HAUS7: variants seen among roughly 807,000 people sequenced by gnomAD.
HAUS7 encodes the protein HAUS augmin-like complex subunit 7.
A neutral mutation model predicts 28.4 loss-of-function variants in HAUS7; 3 were observed. That is an observed-to-expected ratio of 0.11 (90% CI 0.05 to 0.27). The LOEUF is 0.27. Among genes scored for constraint, HAUS7 ranks in the 10% least tolerant of loss-of-function variants. The pLI, the probability that HAUS7 is intolerant of heterozygous loss-of-function variation, is 1.00. For synonymous variants in HAUS7, 165 were observed against 132.1 expected (o/e 1.25, Z -1.71); for missense variants, 284 against 297.3 (o/e 0.96, Z 0.33).
At chrX:153,456,180 C>G in intron 7 of HAUS7, 85 bp downstream of exon 7, 1 of 737,025 alleles carries the variant, frequency 1.4e-6, no homozygotes. Context: ...CACAGGCAAC[C>G]TCGCCTAAGC....
chrX:153,489,108 G>T (rs1251798400), intron 1 of HAUS7, among the ~76,000 whole-genome samples: 3 of 112,784 alleles, frequency 2.7e-5, no homozygotes, highest in African/African-American at 9.7e-5. Context: ...CCGAGATGGG[G>T]CAAAGGGACT....
At chrX:153,458,538 A>G in intron 4 of HAUS7, among the ~76,000 whole-genome samples, 1 of 112,671 alleles carries the variant, frequency 8.9e-6, no homozygotes. Context: ...GGCCATTAAG[A>G]ATAACACTTC....
At chrX:153,470,753 G>GACCAC (rs1227263766), upstream of HAUS7, 34 of 556,777 alleles carry the variant, frequency 6.1e-5, 1 homozygote, top group Admixed American at 1.1e-3. Flanking sequence ...CCAGAGGCAG[G>GACCAC]ACCACAGTGA....
At chrX:153,473,000 T>C (rs1374640945), upstream of HAUS7, among the ~76,000 whole-genome samples, 2 of 111,603 alleles carry the variant, frequency 1.8e-5, no homozygotes, top group African/African-American at 6.5e-5. Context: ...AAAATGAGAC[T>C]GGTTCACGGC....
chrX:153,463,187 G>A (rs1409524000), intron 3 of HAUS7: 4 of 315,633 alleles, frequency 1.3e-5, no homozygotes, highest in East Asian at 2.0e-4. Flanking sequence ...ATCTGCCAGG[G>A]TGCCCAGGGC....
intron 1 of HAUS7, among the ~76,000 whole-genome samples, chrX:153,480,003 G>A (rs1036028629): frequency 1.8e-5 from 2 of 112,183 alleles, no homozygotes; most frequent in Admixed American, 1.9e-4. Context: ...ACCCCCTGTA[G>A]CAGACACTGG....
At chrX:153,449,717 T>A (rs183060518) in intron 9 of HAUS7, among the ~76,000 whole-genome samples, 2 of 112,243 alleles carry the variant, frequency 1.8e-5, no homozygotes, top group African/African-American at 6.5e-5. Flanking sequence ...CCATCTACCC[T>A]GTGCTCGGCG....
At chrX:153,456,970 T>C in intron 5 of HAUS7, 167 bp downstream of exon 5, 1 of 458,149 alleles carries the variant, frequency 2.2e-6, no homozygotes, top group Non-Finnish European at 3.8e-6. Context: ...CAGCTGCCCC[T>C]TGCCCGTATG....
chrX:153,451,073 G>A (rs987549285), intron 9 of HAUS7, among the ~76,000 whole-genome samples: 8 of 112,303 alleles, frequency 7.1e-5, no homozygotes, highest in Non-Finnish European at 1.1e-4. Flanking sequence ...CTCCCCTGGC[G>A]TCTCTCCAGA....
In HAUS7 at chrX:153,492,619, G is replaced by A. The variant is rs973651957; in HGVS notation, c.-589+2755C>T. On this transcript the variant is annotated intron_variant, in intron 1 of 5. Transcript: ENST00000370210. Reference sequence around the variant, plus strand: ...ATGTGTCTCCCCCAAGCAGGGTGTCGCCTCATCGCCACTTCCAAGCCCCCA... The same window carrying A: ...ATGTGTCTCCCCCAAGCAGGGTGTCACCTCATCGCCACTTCCAAGCCCCCA... Among the ~76,000 whole-genome samples the A allele has an allele frequency of 1.2e-4, 13 of 111,331 alleles. No homozygotes were observed. In the Admixed American group the frequency reaches 1.2e-3, roughly 11 times the overall value.
At chrX:153,485,461 A>G (rs1602959194) in intron 1 of HAUS7, among the ~76,000 whole-genome samples, 1 of 111,935 alleles carries the variant, frequency 8.9e-6, no homozygotes, top group Non-Finnish European at 1.9e-5. Flanking sequence ...AGTGAGTGGG[A>G]GGACAGTTCC....
At chrX:153,448,768 C>T (rs1217957816) in intron 9 of HAUS7, among the ~76,000 whole-genome samples, 2 of 111,277 alleles carry the variant, frequency 1.8e-5, no homozygotes, top group Admixed American at 1.9e-4. Flanking sequence ...GGGGACCAGG[C>T]CAGCAGCTTG....
intron 1 of HAUS7, chrX:153,481,975 G>GA: frequency 1.5e-6 from 1 of 649,043 alleles, no homozygotes; most frequent in Non-Finnish European, 1.8e-6. Context: ...CTGGGGCTGG[G>GA]GCTGGCAGGT....
At chrX:153,460,342 C>T (rs995354573) in intron 4 of HAUS7, among the ~76,000 whole-genome samples, 1 of 111,627 alleles carries the variant, frequency 9.0e-6, no homozygotes, top group East Asian at 2.8e-4. Context: ...GGTCATACAA[C>T]ACTGTGAATG....
chrX:153,470,777 GAC>G, upstream of HAUS7: 1 of 490,489 alleles, frequency 2.0e-6, no homozygotes, highest in Admixed American at 3.2e-5. Flanking sequence ...GGGCAGGGCG[GAC>G]ACAGGGAAGG....
At position 153,464,910 on chromosome X, in the gene HAUS7, G is replaced by A. The variant is rs782331560; in HGVS notation, c.292+78C>T. On this transcript the variant is annotated intron_variant, in intron 3 of 9. Coordinates refer to ENST00000370211, the MANE Select transcript of HAUS7 (RefSeq NM_001385482.1). ...CAACATGCACCACCTAAAAGAAAAC[G>A]TTGGTCCAATGGAACATGCACCACC... 243 of 681,410 alleles carry A rather than the reference G, an allele frequency of 3.6e-4. No homozygotes were observed. The African/African-American group carries it at 4.8e-3, about 13-fold the overall frequency. The allele number at this position is 681,410 out of a possible 1,213,427, so 56.2% of individuals were successfully genotyped here. A position where few individuals can be genotyped will look rare whatever the true frequency, so the allele number is the denominator to read the frequency against.
rs1569530483 is a variant in HAUS7 at position 153,450,324 on chromosome X, C to T, written c.1046-2415G>A. Among the ~76,000 whole-genome samples the T allele has an allele frequency of 2.7e-5, 3 of 112,448 alleles. No homozygotes were observed. The South Asian group carries it at 1.1e-3, about 41-fold the overall frequency. Reference sequence around the variant, plus strand: ...GGCCACCAGCTTGGGAGCTGGTTTGCTTATTCATTTCCATCACTTTCTTCA... The same window carrying T: ...GGCCACCAGCTTGGGAGCTGGTTTGTTTATTCATTTCCATCACTTTCTTCA... On this transcript the variant is annotated intron_variant, in intron 9 of 9. Transcript: ENST00000370211.
chrX:153,463,851 T>G (rs2089424020), intron 3 of HAUS7, among the ~76,000 whole-genome samples: 1 of 112,355 alleles, frequency 8.9e-6, no homozygotes, highest in Non-Finnish European at 1.9e-5. Context: ...CACCACCCTT[T>G]CCCCAAGCCC....
chrX:153,455,582 A>G lies in HAUS7; in HGVS notation c.890T>C (p.Ile297Thr). Residue 297 changes from isoleucine (I) to threonine (T), a missense_variant, in exon 8 of 10, where the codon ATC becomes ACC. Transcript: ENST00000370211. ...PGPDLHPCGP[I>T]IQATHQNLTS... ...CAGATTCTGGTGCGTGGCCTGGATG[A>G]TGGGGCCGCACGGGTGGAGGTCAGG... The G allele has an allele frequency of 8.3e-7, 1 of 1,208,522 alleles. No individual in the cohort carries two copies. The highest frequency in any genetic ancestry group is 2.2e-5 in the Admixed American group (1 of 46,093).
Sources: gnomAD v4.1 joint callset for allele counts (sites outside exome capture counted in the v4.1 genomes callset) on GRCh38, gnomAD v4.1.1 for gene constraint, MANE v1.5 for transcripts, NCBI Gene and HGNC (gene_info 2026-07-23, HGNC 2026-07-21) for gene names.